The following GAP43 variants were observed in gnomAD, a reference collection of about 807,000 sequenced individuals.
The protein encoded by GAP43 is growth associated protein 43.
GAP43 carries 6 observed loss-of-function variants against 18.6 expected under a neutral mutation model. The observed-to-expected ratio is 0.32, with a 90% CI of 0.18 to 0.64. The LOEUF is 0.64. Among genes scored for constraint, GAP43 ranks in the 30% least tolerant of loss-of-function variants. The pLI, the probability that GAP43 is intolerant of heterozygous loss-of-function variation, is 0.78. For missense variants in GAP43, 292 were observed against 295.5 expected, an observed-to-expected ratio of 0.99 and a Z score of 0.09; for synonymous variants, 115 against 111.4, an observed-to-expected ratio of 1.03 and a Z score of -0.20.
intron 2 of GAP43, among the ~76,000 whole-genome samples, chr3:115,693,813 G>A (rs1161270188): frequency 1.3e-5 from 2 of 152,060 alleles, no homozygotes; most frequent in Non-Finnish European, 1.5e-5. Context: ...CAGGGGAGAG[G>A]ATGGATTGAA....
chr3:115,706,096 C>T (rs1202106300), intron 2 of GAP43, among the ~76,000 whole-genome samples: 3 of 152,128 alleles, frequency 2.0e-5, no homozygotes, highest in Admixed American at 6.6e-5. Context: ...ACCCCATCAG[C>T]GCAGTCTTCT....
intron 1 of GAP43, among the ~76,000 whole-genome samples, chr3:115,629,790 T>C (rs1456468530): frequency 6.6e-6 from 1 of 152,178 alleles, no homozygotes; most frequent in Non-Finnish European, 1.5e-5. Flanking sequence ...GCTAAATAAA[T>C]ATGGAACCAG....
intron 1 of GAP43, among the ~76,000 whole-genome samples, chr3:115,633,134 C>T (rs2107466133): frequency 6.6e-6 from 1 of 151,752 alleles, no homozygotes; most frequent in South Asian, 2.1e-4. Context: ...GGCCCTGCAT[C>T]AAAAAAGACT....
intron 1 of GAP43, among the ~76,000 whole-genome samples, chr3:115,668,635 G>A (rs1050034783): frequency 2.0e-5 from 3 of 152,080 alleles, no homozygotes; most frequent in African/African-American, 7.2e-5. Flanking sequence ...TGTTGGTCAG[G>A]CTGGTCTCAA....
At chr3:115,675,891 T>C in intron 1 of GAP43, 122 bp from the exon 2 acceptor site, 1 of 1,401,154 alleles carries the variant, frequency 7.1e-7, no homozygotes, top group Non-Finnish European at 9.6e-7. Context: ...TGTTGAATTC[T>C]TAACTCCAAA....
intron 1 of GAP43, among the ~76,000 whole-genome samples, chr3:115,625,826 A>C (rs1437954563): frequency 6.6e-6 from 1 of 152,232 alleles, no homozygotes; most frequent in Non-Finnish European, 1.5e-5. Flanking sequence ...TGTATACAGC[A>C]TCCACATACT....
intron 1 of GAP43, among the ~76,000 whole-genome samples, chr3:115,675,806 A>G (rs1708875823): frequency 6.7e-6 from 1 of 149,452 alleles, no homozygotes; most frequent in Admixed American, 6.7e-5. Flanking sequence ...TGATTCTGGA[A>G]GGTCCGAAAG....
chr3:115,649,550 A>C (rs1222048880), intron 1 of GAP43, among the ~76,000 whole-genome samples: 1 of 152,110 alleles, frequency 6.6e-6, no homozygotes, highest in Non-Finnish European at 1.5e-5. Flanking sequence ...AAGAAGGGAT[A>C]AGTTCAAATG....
At chr3:115,623,951 T>C (rs2107461297) in intron 1 of GAP43, among the ~76,000 whole-genome samples, 2 of 151,630 alleles carry the variant, frequency 1.3e-5, no homozygotes, top group Middle Eastern at 6.8e-3. Context: ...CATGCCTGTT[T>C]GGCTAGAAAT....
rs1344687581 is a variant in GAP43 at position 115,698,043 on chromosome 3, T to TTATATATAA, written c.628+21440_628+21441insAATATATAT. On this transcript the variant is annotated intron_variant, in intron 2 of 2. Coordinates refer to ENST00000305124, the MANE Select transcript of GAP43 (RefSeq NM_002045.4). Reference sequence around the variant, plus strand: ...ATATAACATGTATATAAAATATATATTATATATTATATAAAATATATATTA... The same window carrying TTATATATAA: ...ATATAACATGTATATAAAATATATATTATATATAATATATATTATATAAAATATATATTA... 2.7e-3 allele frequency among the ~76,000 whole-genome samples: 185 copies of TTATATATAA among 67,312 alleles called. 4 individuals carry two copies. Among genetic ancestry groups the TTATATATAA allele is most frequent in the African/African-American group, 0.019 (183 of 9,730 alleles). 44.2% of individuals were successfully genotyped at this position (67,312 alleles called of 152,430 possible). A position where few individuals can be genotyped will look rare whatever the true frequency, so the allele number is the denominator to read the frequency against.
intron 1 of GAP43, among the ~76,000 whole-genome samples, chr3:115,667,279 AT>A (rs2107484473): frequency 6.6e-6 from 1 of 152,340 alleles, no homozygotes; most frequent in Non-Finnish European, 1.5e-5. Flanking sequence ...GCAGATGATC[AT>A]AAGAACTAAG....
chr3:115,669,616 TAAAAG>T lies in GAP43; in HGVS notation c.31-6392_31-6388del, dbSNP rs148305356. On this transcript the variant is annotated intron_variant, in intron 1 of 2. Coordinates refer to ENST00000305124, the MANE Select transcript of GAP43 (RefSeq NM_002045.4). The stretch of plus-strand genomic sequence containing the variant: ...ATAATAGGGTTATAGATATACAAAA[TAAAAG>T]AAAACAACTTTTCAGACTGGAAACT... Among the ~76,000 whole-genome samples, 643 of 152,280 alleles carry T rather than the reference TAAAAG, an allele frequency of 4.2e-3. 6 individuals are homozygous for T. The highest frequency in any genetic ancestry group is 0.015 in the African/African-American group (616 of 41,560).
intron 1 of GAP43, among the ~76,000 whole-genome samples, chr3:115,648,360 G>A (rs1284867836): frequency 2.0e-5 from 3 of 151,922 alleles, no homozygotes; most frequent in African/African-American, 4.8e-5. Flanking sequence ...CTCTAGCTTT[G>A]GACACCATCT....
chr3:115,634,791 A>AAATG, intron 1 of GAP43, among the ~76,000 whole-genome samples: 1 of 151,942 alleles, frequency 6.6e-6, no homozygotes, highest in African/African-American at 2.4e-5. Flanking sequence ...ATAAATAAAT[A>AAATG]AATAATAAAA....
chr3:115,623,612 G>C lies in GAP43; in HGVS notation c.-78G>C, dbSNP rs559204839. On this transcript the variant is annotated 5_prime_UTR_variant, in exon 1 of 3. Transcript: ENST00000305124. ...AGCGAGTGAGCAAGCGAGCAGAAAA[G>C]AGGTGGAGAGGGGGGGAATAAGAAA... The C allele has an allele frequency of 6.3e-7, 1 of 1,576,954 alleles. No homozygotes were observed. Among genetic ancestry groups the C allele is most frequent in the Admixed American group, 1.7e-5 (1 of 59,608 alleles).
At chr3:115,683,823 C>G (rs1708997521) in intron 2 of GAP43, among the ~76,000 whole-genome samples, 1 of 152,044 alleles carries the variant, frequency 6.6e-6, no homozygotes, top group African/African-American at 2.4e-5. Flanking sequence ...CAAATCTCTT[C>G]CAATTCTTTT....
At chr3:115,631,566 A>G (rs1453306107) in intron 1 of GAP43, among the ~76,000 whole-genome samples, 1 of 152,226 alleles carries the variant, frequency 6.6e-6, no homozygotes, top group Non-Finnish European at 1.5e-5. Flanking sequence ...TGCTCTCTGT[A>G]TAGAATACAC....
At chr3:115,709,906 T>C (rs1365104067) in intron 2 of GAP43, among the ~76,000 whole-genome samples, 1 of 152,044 alleles carries the variant, frequency 6.6e-6, no homozygotes, top group East Asian at 1.9e-4. Context: ...ATTTTAAACA[T>C]ATGTTTTCAA....
At position 115,659,620 on chromosome 3, in the gene GAP43, GAGA is replaced by G. The variant is rs1171181805; in HGVS notation, c.31-16392_31-16390del. ...AGCGAAAAATTAAAATAAAATATTA[GAGA>G]GAGAGAAAAGGGAAGAGGGGCAAGG... is the stretch of plus-strand genomic sequence containing the variant. On this transcript the variant is annotated intron_variant, in intron 1 of 2. Coordinates refer to ENST00000305124, the MANE Select transcript of GAP43 (RefSeq NM_002045.4). Among the ~76,000 whole-genome samples the G allele has an allele frequency of 1.2e-3, 132 of 110,178 alleles. 1 individual carries two copies. Among genetic ancestry groups the G allele is most frequent in the African/African-American group, 3.3e-3 (125 of 37,594 alleles). 72.3% of individuals were successfully genotyped at this position (110,178 alleles called of 152,430 possible). A position where few individuals can be genotyped will look rare whatever the true frequency, so the allele number is the denominator to read the frequency against.
Sources: gnomAD v4.1 joint callset for allele counts (sites outside exome capture counted in the v4.1 genomes callset) on GRCh38, gnomAD v4.1.1 for gene constraint, MANE v1.5 for transcripts, NCBI Gene and HGNC (gene_info 2026-07-23, HGNC 2026-07-21) for gene names.